The following UBN2 variants were observed in gnomAD, a reference collection of about 807,000 sequenced individuals.
The protein encoded by UBN2 is ubinuclein 2.
A neutral mutation model predicts 120.2 loss-of-function variants in UBN2; 35 were observed. The ratio of observed to expected loss-of-function variants is 0.29; its 90% CI spans 0.22 to 0.39. UBN2 has a LOEUF of 0.39. Among genes scored for constraint, UBN2 ranks in the 10% least tolerant of loss-of-function variants. The pLI is 1.00. For synonymous variants in UBN2, 661 were observed against 648.7 expected (o/e 1.02, Z -0.29); for missense variants, 1,693 against 1,663.2 (o/e 1.02, Z -0.31).
At position 139,285,803 on chromosome 7, in the gene UBN2, C is replaced by T. The variant is rs922127370; in HGVS notation, c.3669+1229C>T. ...TGTCGTCCACGCTGGAGGGCAGTGG[C>T]GCAATCTTGGCTCACTGCAACCTCC... On this transcript the variant is annotated intron_variant, in intron 15 of 17. Transcript: ENST00000473989. Among the ~76,000 whole-genome samples the T allele has an allele frequency of 6.6e-5, 10 of 152,172 alleles. No homozygotes were observed. In the South Asian group the frequency reaches 1.0e-3, roughly 16 times the overall value.
At chr7:139,328,287 T>C in the UBN2 span, among the ~76,000 whole-genome samples, 1 of 150,822 alleles carries the variant, frequency 6.6e-6, no homozygotes, top group African/African-American at 2.4e-5. Context: ...GGGGAGAGAG[T>C]GGAGGGGAAA....
At chr7:139,252,177 G>A in intron 3 of UBN2, 120 bp downstream of exon 3, 1 of 677,706 alleles carries the variant, frequency 1.5e-6, no homozygotes, top group Non-Finnish European at 2.4e-6. Context: ...TTAAAGCCAT[G>A]TTCACTACTT....
In UBN2 at chr7:139,305,823, C is replaced by T. The variant is rs1341051194; in HGVS notation, c.*7987C>T. The T allele has an allele frequency of 6.6e-6, 1 of 151,970 alleles. No individual in the cohort carries two copies. Among genetic ancestry groups the T allele is most frequent in the Non-Finnish European group, 1.5e-5 (1 of 68,000 alleles). 9.4% of individuals were successfully genotyped at this position (151,970 alleles called of 1,614,324 possible). ...GTATAATGCGGCATTTCATGACTTC[C>T]TCTTGTTACTTTTCAAGGTTATTCT... On this transcript the variant is annotated 3_prime_UTR_variant, in exon 18 of 18. Coordinates refer to ENST00000473989, the MANE Select transcript of UBN2 (RefSeq NM_173569.4).
rs1798223449 is a variant in UBN2, at chr7:139,300,290, T to C, written c.*2454T>C. ...CACCTGCACTGACGACTTACATTCA[T>C]TTCAGTCAGGACCCCCCTTTTATGT... On this transcript the variant is annotated 3_prime_UTR_variant, in exon 18 of 18. Transcript: ENST00000473989. 1 of 152,072 alleles carries C rather than the reference T, an allele frequency of 6.6e-6. No individual in the cohort carries two copies. The highest frequency in any genetic ancestry group is 6.6e-5 in the Admixed American group (1 of 15,264). 9.4% of individuals were successfully genotyped at this position (152,072 alleles called of 1,614,324 possible).
intron 16 of UBN2, 161 bp from the exon 17 acceptor site, chr7:139,293,728 A>T (rs1363408796): frequency 7.4e-6 from 5 of 675,748 alleles, no homozygotes; most frequent in Non-Finnish European, 1.0e-5. Flanking sequence ...ATGTGCATAC[A>T]CATACATTAA....
In UBN2 at chr7:139,272,350, A is replaced by G. The variant is rs1797301730; in HGVS notation, c.1625A>G (p.Lys542Arg). The G allele has an allele frequency of 6.2e-7, 1 of 1,613,332 alleles. No homozygotes were observed. The highest frequency in any genetic ancestry group is 8.5e-7 in the Non-Finnish European group (1 of 1,179,824). Residue 542 changes from lysine (K) to arginine (R), a missense_variant, in exon 9 of 18, where the codon AAA becomes AGA. Around this residue, in one of 5 missense-constraint regions of UBN2, gnomAD observed 178 missense variants for 204.0 expected, o/e 0.87. Transcript: ENST00000473989. ...GATCGTTTAAGAGAACCTCTGCAAA[A>G]ACTGAAACTGGCTGTTAGCAATGTC... ...QDDRLREPLQ[K>R]LKLAVSNVMP...
intron 1 of UBN2, among the ~76,000 whole-genome samples, chr7:139,234,427 A>G (rs1044028945): frequency 2.0e-5 from 3 of 152,292 alleles, no homozygotes; most frequent in African/African-American, 4.8e-5. Context: ...AAATTTTTCT[A>G]TGCTCTATTT....
intron 9 of UBN2, 48 bp from the exon 10 acceptor site, chr7:139,273,249 G>A (rs2131011423): frequency 8.1e-7 from 1 of 1,238,774 alleles, no homozygotes; most frequent in Non-Finnish European, 1.2e-6. Flanking sequence ...TATTATATAG[G>A]CAGTGTTGGG....
chr7:139,269,862 C>T (rs1051342446), intron 8 of UBN2, among the ~76,000 whole-genome samples: 3 of 151,032 alleles, frequency 2.0e-5, no homozygotes, highest in Admixed American at 6.6e-5. Flanking sequence ...GCTGGAGTGC[C>T]GTGGCGTGAA....
chr7:139,257,837 G>A (rs182998121), intron 3 of UBN2, among the ~76,000 whole-genome samples: 2 of 152,310 alleles, frequency 1.3e-5, no homozygotes, highest in Admixed American at 1.3e-4. Flanking sequence ...TTTCACTCTT[G>A]TGCAATGACG....
chr7:139,245,281 TG>T (rs995595935), intron 2 of UBN2, among the ~76,000 whole-genome samples: 12 of 152,126 alleles, frequency 7.9e-5, no homozygotes, highest in Admixed American at 2.0e-4. Context: ...TGAATGGATA[TG>T]TGATAGTTTG....
chr7:139,328,334 T>A, the UBN2 span, among the ~76,000 whole-genome samples: 2 of 152,170 alleles, frequency 1.3e-5, no homozygotes, highest in Admixed American at 6.5e-5. Flanking sequence ...TTGTGAGAAC[T>A]CACTCACTGT....
chr7:139,279,813 T>G (rs1173139569), intron 13 of UBN2, among the ~76,000 whole-genome samples: 2 of 152,182 alleles, frequency 1.3e-5, no homozygotes, highest in Non-Finnish European at 2.9e-5. Flanking sequence ...TTCTTGGGCT[T>G]GTACAGGTTA....
At chr7:139,320,128 CAG>C in the UBN2 span, among the ~76,000 whole-genome samples, 27 of 151,326 alleles carry the variant, frequency 1.8e-4, no homozygotes, top group African/African-American at 6.3e-4. Flanking sequence ...TCTCTATTGA[CAG>C]AGATTTCTCT....
In UBN2 at chr7:139,269,442, C is replaced by G; in HGVS notation, c.1515C>G (p.Val505=). The change falls in exon 8 of 18, where the codon GTC becomes GTG. Residue 505 remains valine (V), a synonymous_variant. Transcript: ENST00000473989. ...TAGGCCCTGTCATTCGCAGTGGTGT[C>G]TACTCCCACCTTGAAGCTTTTGTGC... The part of the protein sequence containing the change: ...QELGPVIRSG[V]YSHLEAFVPC... 1 of 1,614,144 alleles carries G rather than the reference C, an allele frequency of 6.2e-7. No individual in the cohort carries two copies. Among genetic ancestry groups the G allele is most frequent in the Non-Finnish European group, 8.5e-7 (1 of 1,180,014 alleles).
At chr7:139,248,317 G>C (rs1370827902) in intron 2 of UBN2, among the ~76,000 whole-genome samples, 6 of 152,132 alleles carry the variant, frequency 3.9e-5, no homozygotes, top group African/African-American at 1.4e-4. Flanking sequence ...GAAAATGTAA[G>C]AGTATTGCAA....
At chr7:139,236,627 C>G (rs763430906) in intron 1 of UBN2, among the ~76,000 whole-genome samples, 3 of 151,940 alleles carry the variant, frequency 2.0e-5, no homozygotes, top group Non-Finnish European at 4.4e-5. Flanking sequence ...ACCATGTGAT[C>G]ATTTTGCAGG....
rs1339276236 is a variant in UBN2, at chr7:139,261,380, A to G, written c.1034A>G (p.Lys345Arg). 6.2e-7 allele frequency: 1 copy of G among 1,614,166 alleles called. No individual in the cohort carries two copies. The highest frequency in any genetic ancestry group is 1.7e-5 in the Admixed American group (1 of 60,026). The change falls in exon 6 of 18, where the codon AAA becomes AGA. Residue 345 changes from lysine (K) to arginine (R), a missense_variant. This residue lies in a region of UBN2 where 663 missense variants were observed against 591.2 expected (regional missense o/e 1.12). Coordinates refer to ENST00000473989, the MANE Select transcript of UBN2 (RefSeq NM_173569.4). ...KDALKKESNP[K>R]VPVTLSTPSL... ...GCATTAAAGAAGGAGTCTAACCCCA[A>G]AGTCCCAGTGACCTTGTCAACCCCT...
rs1300493017 is a variant in UBN2 at position 139,301,416 on chromosome 7, G to T, written c.*3580G>T. Reference sequence around the variant, plus strand: ...CATTTTCTGAAACGAAAATTCTGCTGTTGTTCAAACTGCCATTGGTTATGA... The same window carrying T: ...CATTTTCTGAAACGAAAATTCTGCTTTTGTTCAAACTGCCATTGGTTATGA... On this transcript the variant is annotated 3_prime_UTR_variant, in exon 18 of 18. Coordinates refer to ENST00000473989, the MANE Select transcript of UBN2 (RefSeq NM_173569.4). 3 of 152,144 alleles carry T rather than the reference G, an allele frequency of 2.0e-5. No individual in the cohort carries two copies. The highest frequency in any genetic ancestry group is 7.2e-5 in the African/African-American group (3 of 41,428). The allele number at this position is 152,144 out of a possible 1,614,324, so 9.4% of individuals were successfully genotyped here.
Sources: gnomAD v4.1 joint callset for allele counts (sites outside exome capture counted in the v4.1 genomes callset) on GRCh38, gnomAD v4.1.1 for gene constraint, gnomAD v4.1.1 regional missense constraint, MANE v1.5 for transcripts, NCBI Gene and HGNC (gene_info 2026-07-23, HGNC 2026-07-21) for gene names.